Variants in BZW2 observed in about 807,000 individuals in gnomAD.
BZW2 encodes the protein basic leucine zipper and W2 domains 2.
Under a neutral mutation model 53.2 loss-of-function variants are expected in BZW2, and 23 were observed. The observed-to-expected ratio is 0.43, with a 90% CI of 0.31 to 0.61. BZW2 has a LOEUF of 0.61. Ranked by LOEUF, BZW2 falls within the 20% of genes least tolerant of loss-of-function variation. The pLI is 0.09. For missense variants in BZW2, 409 were observed against 503.1 expected, an observed-to-expected ratio of 0.81 and a Z score of 1.79; for synonymous variants, 227 against 186.4, an observed-to-expected ratio of 1.22 and a Z score of -1.77.
At chr7:16,690,048 G>A (rs183361343) in intron 7 of BZW2, 142 bp downstream of exon 7, 58 of 472,990 alleles carry the variant, frequency 1.2e-4, no homozygotes, top group Admixed American at 2.5e-4. Context: ...GTAATTGGTA[G>A]TAGAAGCTAA....
rs139834967 is a variant in BZW2 at position 16,691,999 on chromosome 7, C to T, written c.651+2093C>T. ...TGAGAACAGCGTAGTTGCCTATGCA[C>T]TATGCCTGCCTGATATTTGTTGAAT... On this transcript the variant is annotated intron_variant, in intron 7 of 11. Transcript: ENST00000258761. Among the ~76,000 whole-genome samples, 8 of 152,264 alleles carry T rather than the reference C, an allele frequency of 5.3e-5. 1 individual carries two copies. In the East Asian group the frequency reaches 9.6e-4, roughly 18 times the overall value.
chr7:16,692,918 G>C (rs1056720556), intron 7 of BZW2, among the ~76,000 whole-genome samples: 6 of 152,208 alleles, frequency 3.9e-5, no homozygotes, highest in African/African-American at 7.2e-5. Context: ...TCTCCACATA[G>C]AGCATTCCAG....
intron 3 of BZW2, among the ~76,000 whole-genome samples, chr7:16,678,783 A>T (rs1001791057): frequency 6.6e-6 from 1 of 151,884 alleles, no homozygotes; most frequent in Non-Finnish European, 1.5e-5. Context: ...GAAATAGAGA[A>T]AGAGTACAAA....
At chr7:16,691,495 G>A (rs1252623615) in intron 7 of BZW2, among the ~76,000 whole-genome samples, 1 of 152,218 alleles carries the variant, frequency 6.6e-6, no homozygotes, top group Non-Finnish European at 1.5e-5. Context: ...CAGGCTGAGG[G>A]AGCAGCTCCC....
chr7:16,671,814 C>T (rs114401721), intron 2 of BZW2, among the ~76,000 whole-genome samples: 5,348 of 151,360 alleles, frequency 0.035, 305 homozygotes, highest in African/African-American at 0.12. Context: ...ACCTGTAGTC[C>T]CAGCTACTTG....
chr7:16,685,870 C>CTTTTTTTT, intron 5 of BZW2, 35 bp from the exon 6 acceptor site: 1 of 1,426,544 alleles, frequency 7.0e-7, no homozygotes. Context: ...TTTTCTTTTT[C>CTTTTTTTT]TTTTTCTTTT....
chr7:16,705,728 C>T (rs554519418), intron 11 of BZW2, among the ~76,000 whole-genome samples: 3 of 146,894 alleles, frequency 2.0e-5, no homozygotes, highest in East Asian at 2.0e-4. Context: ...CTTAGGTGAT[C>T]CAAAGAAGAA....
At chr7:16,676,276 C>T (rs965663471) in intron 3 of BZW2, among the ~76,000 whole-genome samples, 2 of 151,702 alleles carry the variant, frequency 1.3e-5, no homozygotes, top group Non-Finnish European at 2.9e-5. Flanking sequence ...GGGCTGGGCA[C>T]GGTGGCTCAC....
chr7:16,706,127 A>G lies in BZW2; in HGVS notation c.*39A>G, dbSNP rs373090698. 15 of 1,603,350 alleles carry G rather than the reference A, an allele frequency of 9.4e-6. No homozygotes were observed. The highest frequency in any genetic ancestry group is 1.3e-5 in the Non-Finnish European group (15 of 1,173,526). ...CACAATACCTAGGTTACCACACACC[A>G]CTTTTTGATTGGGAATGCTGAACCA... On this transcript the variant is annotated 3_prime_UTR_variant, in exon 12 of 12. Transcript: ENST00000258761.
intron 9 of BZW2, 121 bp from the exon 10 acceptor site, chr7:16,697,927 G>A: frequency 1.6e-5 from 20 of 1,215,782 alleles, no homozygotes; most frequent in Non-Finnish European, 2.3e-5. Context: ...ATGATAAAAG[G>A]TGTCAATCCT....
chr7:16,667,723 A>G (rs1214630463), intron 2 of BZW2, among the ~76,000 whole-genome samples: 2 of 152,224 alleles, frequency 1.3e-5, no homozygotes, highest in Non-Finnish European at 2.9e-5. Context: ...AAAAAATTCA[A>G]GTGACCGGAA....
In BZW2 at chr7:16,659,982, C is replaced by T. The variant is rs1353995919; in HGVS notation, c.-7-5455C>T. Reference sequence around the variant, plus strand: ...CGTCATTAACATTAGGTATATCTCCCAATGCTATCCCTTCCCCCTCCCCCA... The same window carrying T: ...CGTCATTAACATTAGGTATATCTCCTAATGCTATCCCTTCCCCCTCCCCCA... On this transcript the variant is annotated intron_variant, in intron 1 of 11. Coordinates refer to ENST00000258761, the MANE Select transcript of BZW2 (RefSeq NM_014038.3). Among the ~76,000 whole-genome samples, 38 of 151,876 alleles carry T rather than the reference C, an allele frequency of 2.5e-4. 1 individual carries two copies.
intron 1 of BZW2, among the ~76,000 whole-genome samples, chr7:16,652,228 G>A (rs565624640): frequency 7.2e-5 from 11 of 152,202 alleles, no homozygotes; most frequent in South Asian, 4.1e-4. Context: ...TCCATTCCGC[G>A]TGGATGCCAC....
In BZW2 at chr7:16,698,138, A is replaced by G; in HGVS notation, c.1060A>G (p.Ile354Val). Residue 354 changes from isoleucine to valine, a missense_variant, in exon 10 of 12, where the codon ATC (isoleucine) becomes GTC (valine). Ile to Val is a conservative substitution (Grantham distance 29, BLOSUM62 3). Transcript: ENST00000258761. Reference sequence around the variant, plus strand: ...GGTTCAGGAATACTGCTACGACAACATCCATTTCATGAAAGCCTTTCAGAA... The same window carrying G: ...GGTTCAGGAATACTGCTACGACAACGTCCATTTCATGAAAGCCTTTCAGAA... ...QKVQEYCYDN[I>V]HFMKAFQKIV... The G allele has an allele frequency of 6.2e-7, 1 of 1,614,184 alleles. No individual in the cohort carries two copies. The highest frequency in any genetic ancestry group is 2.2e-5 in the East Asian group (1 of 44,888).
chr7:16,652,731 G>C (rs1241694398), intron 1 of BZW2, among the ~76,000 whole-genome samples: 2 of 152,066 alleles, frequency 1.3e-5, no homozygotes, highest in Admixed American at 1.3e-4. Context: ...CACCATGTTG[G>C]CCAGGCTGGT....
chr7:16,694,771 G>A, intron 7 of BZW2, 63 bp from the exon 8 acceptor site: 1 of 1,315,902 alleles, frequency 7.6e-7, no homozygotes, highest in Non-Finnish European at 1.0e-6. Context: ...GAAGACTTTT[G>A]TCCTTTATGC....
At chr7:16,682,399 A>G (rs1782976376) in intron 4 of BZW2, among the ~76,000 whole-genome samples, 1 of 152,164 alleles carries the variant, frequency 6.6e-6, no homozygotes, top group African/African-American at 2.4e-5. Context: ...CTAGAGTAGA[A>G]TCTGTCCTGC....
rs373058468 is a variant in BZW2, at chr7:16,685,964, G to A, written c.465G>A (p.Ser155=). The A allele has an allele frequency of 2.4e-5, 38 of 1,583,688 alleles. No homozygotes were observed. Among genetic ancestry groups the A allele is most frequent in the African/African-American group, 2.8e-5 (2 of 72,602 alleles). Residue 155 remains serine (S), a synonymous_variant, in exon 6 of 12, where the codon TCG becomes TCA. Transcript: ENST00000258761. ...ETEQTKLAML[S]GILLGNGTLP... Reference sequence around the variant, plus strand: ...AGCAGACAAAGTTGGCGATGCTGTCGGGGATTCTGCTGGGCAATGGCACCC... The same window carrying A: ...AGCAGACAAAGTTGGCGATGCTGTCAGGGATTCTGCTGGGCAATGGCACCC...
chr7:16,705,634 A>G (rs1280151920), intron 11 of BZW2, among the ~76,000 whole-genome samples: 9 of 149,662 alleles, frequency 6.0e-5, no homozygotes, highest in Admixed American at 2.0e-4. Context: ...GCAGTGAGCC[A>G]AGATCACAGC....
Sources: gnomAD v4.1 joint callset for allele counts (sites outside exome capture counted in the v4.1 genomes callset) on GRCh38, gnomAD v4.1.1 for gene constraint, MANE v1.5 for transcripts, NCBI Gene and HGNC (gene_info 2026-07-23, HGNC 2026-07-21) for gene names.